Variants in GATAD2B observed in about 807,000 individuals in gnomAD.
The protein encoded by GATAD2B is transcriptional repressor p66-beta.
Under a neutral mutation model 64.3 loss-of-function variants are expected in GATAD2B, and 8 were observed. The observed-to-expected ratio is 0.12, with a 90% CI of 0.07 to 0.22. The LOEUF (loss-of-function observed/expected upper bound fraction) is 0.22, where lower values mean the gene tolerates loss of function less well. Among genes scored for constraint, GATAD2B ranks in the 10% least tolerant of loss-of-function variants. The probability of loss-of-function intolerance (pLI) is 1.00; values close to 1 mark genes in which losing one functional copy is unlikely to be tolerated. For missense variants in GATAD2B, 453 were observed against 752.0 expected, an observed-to-expected ratio of 0.60 and a Z score of 4.65; for synonymous variants, 281 against 271.3, an observed-to-expected ratio of 1.04 and a Z score of -0.35.
intron 1 of GATAD2B, among the ~76,000 whole-genome samples, chr1:153,844,806 A>C (rs143757079): frequency 0.019 from 2,814 of 149,572 alleles, 103 homozygotes; most frequent in African/African-American, 0.066. Flanking sequence ...AGATATACCT[A>C]AGGCTAGATG....
intron 1 of GATAD2B, among the ~76,000 whole-genome samples, chr1:153,839,961 G>A (rs1289547683): frequency 3.3e-5 from 5 of 151,518 alleles, no homozygotes; most frequent in Admixed American, 2.6e-4. Flanking sequence ...GCGACAAAGC[G>A]AGATTCTGTC....
At chr1:153,896,368 G>C (rs1001676714) in intron 1 of GATAD2B, among the ~76,000 whole-genome samples, 2 of 151,604 alleles carry the variant, frequency 1.3e-5, no homozygotes, top group Admixed American at 1.3e-4. Context: ...AAACAAAAGG[G>C]AAAGTAGGAG....
rs530097606 is a variant in GATAD2B, at chr1:153,827,942, T to C, written c.335+71A>G. On this transcript the variant is annotated intron_variant, in intron 2 of 10. Coordinates refer to ENST00000368655, the MANE Select transcript of GATAD2B (RefSeq NM_020699.4). ...AGGATGAAAAACACCCTCCTCTCAT[T>C]GGAATTCATTCCATTTTCACAGGCT... 1,708 of 1,066,234 alleles carry C rather than the reference T, an allele frequency of 1.6e-3. 4 individuals are homozygous for C. Among genetic ancestry groups the C allele is most frequent in the Non-Finnish European group, 2.0e-3 (1,409 of 712,520 alleles). The allele number at this position is 1,066,234 out of a possible 1,614,324, so 66.0% of individuals were successfully genotyped here.
chr1:153,862,677 G>A (rs1676349234), intron 1 of GATAD2B, among the ~76,000 whole-genome samples: 1 of 150,840 alleles, frequency 6.6e-6, no homozygotes, highest in African/African-American at 2.4e-5. Context: ...AGAGTATTTA[G>A]AAAAAGCGTT....
chr1:153,922,349 C>T (rs1389348044), intron 1 of GATAD2B, among the ~76,000 whole-genome samples: 1 of 143,034 alleles, frequency 7.0e-6, no homozygotes, highest in African/African-American at 2.6e-5. Flanking sequence ...GGGCATGAGG[C>T]AGGGAGTGAA....
intron 1 of GATAD2B, among the ~76,000 whole-genome samples, chr1:153,830,911 A>G (rs1675057012): frequency 6.6e-6 from 1 of 152,116 alleles, no homozygotes; most frequent in Non-Finnish European, 1.5e-5. Context: ...CTGAGTAGCT[A>G]GAGACGCGTG....
intron 7 of GATAD2B, among the ~76,000 whole-genome samples, chr1:153,814,616 C>T (rs1321285419): frequency 5.3e-5 from 8 of 152,010 alleles, no homozygotes; most frequent in African/African-American, 1.9e-4. Flanking sequence ...CTACTAAAAA[C>T]AGAAATAATT....
chr1:153,894,976 T>C (rs966753497), intron 1 of GATAD2B, among the ~76,000 whole-genome samples: 20 of 151,456 alleles, frequency 1.3e-4, no homozygotes, highest in African/African-American at 4.9e-4. Context: ...CTGACCAACA[T>C]GGAGAAACCC....
At position 153,862,422 on chromosome 1, in the gene GATAD2B, C is replaced by T. The variant is rs573886261; in HGVS notation, c.-1-34074G>A. On this transcript the variant is annotated intron_variant, in intron 1 of 10. Coordinates refer to ENST00000368655, the MANE Select transcript of GATAD2B (RefSeq NM_020699.4). ...ACAGGCATGAGCCATCACTCCCAGC[C>T]TTTACATACATTATATCTTATGTGA... Among the ~76,000 whole-genome samples the T allele has an allele frequency of 3.3e-5, 5 of 152,126 alleles. No homozygotes were observed. In the East Asian group the frequency reaches 9.7e-4, roughly 29 times the overall value.
intron 8 of GATAD2B, 22 bp downstream of exon 8, chr1:153,813,228 A>G: frequency 6.3e-7 from 1 of 1,597,348 alleles, no homozygotes; most frequent in Non-Finnish European, 8.6e-7. Context: ...ACAGGTGGCC[A>G]GTGAGCAGTC....
chr1:153,909,004 C>G (rs1678035740), intron 1 of GATAD2B, among the ~76,000 whole-genome samples: 1 of 151,804 alleles, frequency 6.6e-6, no homozygotes, highest in African/African-American at 2.4e-5. Flanking sequence ...AGTTCGAGAC[C>G]TGCCTGGACA....
At chr1:153,867,639 C>T (rs1676524080) in intron 1 of GATAD2B, among the ~76,000 whole-genome samples, 1 of 151,958 alleles carries the variant, frequency 6.6e-6, no homozygotes, top group East Asian at 1.9e-4. Flanking sequence ...GCGGGTGGAT[C>T]ACCTGAGGTC....
intron 1 of GATAD2B, among the ~76,000 whole-genome samples, chr1:153,913,579 C>T (rs529302347): frequency 1.3e-5 from 2 of 152,238 alleles, no homozygotes; most frequent in South Asian, 2.1e-4. Flanking sequence ...CCTTCGAATT[C>T]ATGGAGGAAA....
intron 1 of GATAD2B, among the ~76,000 whole-genome samples, chr1:153,884,312 G>A (rs1557821477): frequency 6.6e-6 from 1 of 152,262 alleles, no homozygotes; most frequent in East Asian, 1.9e-4. Flanking sequence ...TGGTGATGGC[G>A]GGTGCCTGTA....
chr1:153,805,867 T>C lies in GATAD2B; in HGVS notation c.*4310A>G, dbSNP rs1674097908. The C allele has an allele frequency of 6.6e-6, 1 of 152,194 alleles. No homozygotes were observed. The highest frequency in any genetic ancestry group is 6.5e-5 in the Admixed American group (1 of 15,280). 9.4% of individuals were successfully genotyped at this position (152,194 alleles called of 1,614,324 possible). ...TGGTTCTTTTTACTCTACAAAGTCCTGGACCAGGAGGTCTTGGCTTTCACA... is the reference window on the plus strand; with the variant it reads ...TGGTTCTTTTTACTCTACAAAGTCCCGGACCAGGAGGTCTTGGCTTTCACA... On this transcript the variant is annotated 3_prime_UTR_variant, in exon 11 of 11. Transcript: ENST00000368655.
chr1:153,915,757 A>AAAAAG (rs1557835703), intron 1 of GATAD2B, among the ~76,000 whole-genome samples: 10 of 150,656 alleles, frequency 6.6e-5, no homozygotes, highest in African/African-American at 2.2e-4. Flanking sequence ...AAAAAAAAAA[A>AAAAAG]AAAAGAAAAG....
chr1:153,819,781 G>C, intron 2 of GATAD2B, 46 bp from the exon 3 acceptor site: 1 of 1,555,860 alleles, frequency 6.4e-7, no homozygotes, highest in Non-Finnish European at 8.7e-7. Flanking sequence ...CAAAAGTTAA[G>C]AAAACTTCTA....
chr1:153,917,656 A>C (rs1205107198), intron 1 of GATAD2B, among the ~76,000 whole-genome samples: 1 of 152,144 alleles, frequency 6.6e-6, no homozygotes, highest in East Asian at 1.9e-4. Context: ...CAGCCTCCCA[A>C]AGTGCTGGGA....
At chr1:153,879,049 C>T (rs1676927354) in intron 1 of GATAD2B, among the ~76,000 whole-genome samples, 1 of 152,036 alleles carries the variant, frequency 6.6e-6, no homozygotes, top group Non-Finnish European at 1.5e-5. Context: ...AAGCGATTCT[C>T]CTGCCTCAGC....
Sources: gnomAD v4.1 joint callset for allele counts (sites outside exome capture counted in the v4.1 genomes callset) on GRCh38, gnomAD v4.1.1 for gene constraint, MANE v1.5 for transcripts, NCBI Gene and HGNC (gene_info 2026-07-23, HGNC 2026-07-21) for gene names.